The following DRC4 variants were observed in gnomAD, a reference collection of about 807,000 sequenced individuals.
DRC4 encodes the protein GAS-11.
the DRC4 span, among the ~76,000 whole-genome samples, chr16:90,038,684 C>G: frequency 7.9e-5 from 12 of 152,290 alleles, no homozygotes; most frequent in Admixed American, 6.5e-4. Flanking sequence ...TCCATCCTCA[C>G]CTGCACCAGA....
At chr16:90,036,186 GGT>G in the DRC4 span, 2 of 603,448 alleles carry the variant, frequency 3.3e-6, no homozygotes, top group Non-Finnish European at 5.7e-6. Flanking sequence ...GGCCGACAGT[GGT>G]GTGTGTGCTG....
the DRC4 span, chr16:90,029,289 G>C: frequency 9.5e-6 from 13 of 1,366,256 alleles, no homozygotes; most frequent in African/African-American, 1.5e-5. Flanking sequence ...AGGCAGGTGG[G>C]GAGGGATGGG....
At chr16:90,020,317 AG>A in the DRC4 span, among the ~76,000 whole-genome samples, 1 of 146,862 alleles carries the variant, frequency 6.8e-6, no homozygotes, top group African/African-American at 2.7e-5. Context: ...AAAAAAAAAA[AG>A]AAAAGAAAAG....
the DRC4 span, chr16:90,031,469 C>G: frequency 1.9e-6 from 3 of 1,578,440 alleles, no homozygotes; most frequent in Non-Finnish European, 2.6e-6. Flanking sequence ...TGGAAGAAGC[C>G]GAGGAGAGGC....
At chr16:90,035,789 G>T in the DRC4 span, 10 of 1,610,246 alleles carry the variant, frequency 6.2e-6, no homozygotes, top group East Asian at 8.9e-5. Context: ...GCAAAAACTG[G>T]ATTAAAACAG....
the DRC4 span, chr16:90,029,576 T>G: frequency 3.3e-6 from 1 of 302,688 alleles, no homozygotes; most frequent in Non-Finnish European, 6.7e-6. Flanking sequence ...AGGCACTGGT[T>G]GGATTCGGGG....
the DRC4 span, among the ~76,000 whole-genome samples, chr16:90,025,141 C>G: frequency 1.3e-5 from 2 of 150,884 alleles, no homozygotes; most frequent in Non-Finnish European, 3.0e-5. Flanking sequence ...CTCGGCCTCC[C>G]GAGTACCTGG....
chr16:90,034,495 A>T, the DRC4 span, among the ~76,000 whole-genome samples: 1 of 151,996 alleles, frequency 6.6e-6, no homozygotes, highest in Admixed American at 6.5e-5. Flanking sequence ...GGTGGCGCAC[A>T]CCTATAATCC....
chr16:90,019,950 GGGGAT>G, the DRC4 span: 8 of 695,346 alleles, frequency 1.2e-5, no homozygotes, highest in African/African-American at 1.2e-4. The surrounding 1 kb of genome is among the most constrained non-coding windows in gnomAD (Gnocchi z 6.1). Context: ...GGGCGGGATG[GGGGAT>G]GGGAGGTAAG....
At chr16:90,038,552 T>G in the DRC4 span, among the ~76,000 whole-genome samples, 1 of 152,196 alleles carries the variant, frequency 6.6e-6, no homozygotes, top group South Asian at 2.1e-4. Context: ...AGATTGCTTC[T>G]TAGGAAAGCC....
At chr16:90,021,561 T>C in the DRC4 span, among the ~76,000 whole-genome samples, 1 of 151,906 alleles carries the variant, frequency 6.6e-6, no homozygotes, top group Admixed American at 6.6e-5. Flanking sequence ...TGACCACTTT[T>C]TAAGAAGATG....
the DRC4 span, chr16:90,029,050 G>C: frequency 1.5e-6 from 2 of 1,305,578 alleles, no homozygotes; most frequent in Non-Finnish European, 2.0e-6. Flanking sequence ...TGAACACTGC[G>C]TTGTCCCAGC....
At chr16:90,028,479 C>T in the DRC4 span, among the ~76,000 whole-genome samples, 12 of 152,146 alleles carry the variant, frequency 7.9e-5, no homozygotes, top group African/African-American at 2.7e-4. Flanking sequence ...TGAGCCACCA[C>T]GCCTGGCCAG....
chr16:90,026,687 CT>C, the DRC4 span, among the ~76,000 whole-genome samples: 3 of 150,948 alleles, frequency 2.0e-5, no homozygotes, highest in South Asian at 2.1e-4. Flanking sequence ...GGGTTCCCCC[CT>C]CTCTTAGTTT....
chr16:90,039,915 C>T, the DRC4 span: 1 of 295,796 alleles, frequency 3.4e-6, no homozygotes, highest in Non-Finnish European at 6.7e-6. Flanking sequence ...CACCTGCAAG[C>T]TCGGCCTGCT....
At chr16:90,041,348 G>A in the DRC4 span, among the ~76,000 whole-genome samples, 1 of 152,198 alleles carries the variant, frequency 6.6e-6, no homozygotes, top group Non-Finnish European at 1.5e-5. Context: ...AGGTGTGAGG[G>A]GGCTGCTGTG....
At chr16:90,031,313 C>G in the DRC4 span, 6 of 1,612,808 alleles carry the variant, frequency 3.7e-6, no homozygotes, top group South Asian at 1.1e-5. Context: ...AGGAGCATGT[C>G]AGCCGCATCC....
At chr16:90,040,740 G>A in the DRC4 span, among the ~76,000 whole-genome samples, 2 of 91,698 alleles carry the variant, frequency 2.2e-5, no homozygotes, top group Admixed American at 2.1e-4. Context: ...CACAGGGCTG[G>A]AGGGGGCTGG....
At chr16:90,037,366 C>T in the DRC4 span, 18 of 1,613,644 alleles carry the variant, frequency 1.1e-5, no homozygotes, top group African/African-American at 4.0e-5. Flanking sequence ...AGAAACAGCT[C>T]GCAAACTACG....
Sources: allele counts gnomAD v4.1 joint callset (sites outside exome capture counted in the v4.1 genomes callset), GRCh38; gene constraint gnomAD v4.1.1; non-coding constraint Gnocchi (gnomAD v3.1); transcripts MANE v1.5; gene names NCBI Gene and HGNC (gene_info 2026-07-23, HGNC 2026-07-21).